The following C18orf63 variants were observed in gnomAD, a reference collection of about 807,000 sequenced individuals.
C18orf63 encodes the protein chromosome 18 open reading frame 63, also known as uncharacterized protein C18orf63.
Under a neutral mutation model 75.3 loss-of-function variants are expected in C18orf63, and 50 were observed. That is an observed-to-expected ratio of 0.66 (90% CI 0.53 to 0.84). The LOEUF is 0.84. Ranked by LOEUF, C18orf63 falls within the 40% of genes least tolerant of loss-of-function variation. The probability of loss-of-function intolerance (pLI) is 0.00; values close to 1 mark genes in which losing one functional copy is unlikely to be tolerated. For synonymous variants in C18orf63, 232 were observed against 267.6 expected (o/e 0.87, Z 1.30); for missense variants, 732 against 800.2 (o/e 0.91, Z 1.03).
chr18:74,335,207 T>C (rs1332223621), intron 7 of C18orf63, among the ~76,000 whole-genome samples: 1 of 152,186 alleles, frequency 6.6e-6, no homozygotes, highest in Non-Finnish European at 1.5e-5. Context: ...AATGGAGCAT[T>C]GACTGGAGTG....
chr18:74,329,259 C>T (rs567631581), intron 6 of C18orf63, among the ~76,000 whole-genome samples: 4 of 151,524 alleles, frequency 2.6e-5, no homozygotes, highest in African/African-American at 9.7e-5. Context: ...CCTGTAGCCC[C>T]GTCTACTTGG....
chr18:74,320,500 T>G lies in C18orf63; in HGVS notation c.135-13T>G. On this transcript the variant is annotated splice_polypyrimidine_tract_variant and intron_variant, in intron 2 of 13. Transcript: ENST00000579455. ...CATACCAGTCCACTTTGTAATATAT[T>G]TCATCTCCACAGGCAATTGCTGTTT... 1 of 1,520,764 alleles carries G rather than the reference T, an allele frequency of 6.6e-7. No homozygotes were observed. The highest frequency in any genetic ancestry group is 2.5e-5 in the East Asian group (1 of 40,642). The allele number at this position is 1,520,764 out of a possible 1,614,324, so 94.2% of individuals were successfully genotyped here.
chr18:74,353,735 C>G lies in C18orf63; in HGVS notation c.1468C>G (p.Arg490Gly). 6.5e-7 allele frequency: 1 copy of G among 1,535,898 alleles called. No individual in the cohort carries two copies. Among genetic ancestry groups the G allele is most frequent in the Non-Finnish European group, 8.7e-7 (1 of 1,146,804 alleles). Residue 490 changes from arginine to glycine, a missense_variant, in exon 12 of 14, where the codon CGT becomes GGT. Around this residue, in one of 3 missense-constraint regions of C18orf63, gnomAD observed 495 missense variants for 508.7 expected, o/e 0.97. Transcript: ENST00000579455. ...GAATTTAGGTCCAGCTATAAAAAAC[C>G]GTTATAGTAGTAACATTCAGATGCA... ...KLNLGPAIKN[R>G]YSSNIQMQAA...
At chr18:74,333,916 T>TA (rs1376878161) in intron 7 of C18orf63, among the ~76,000 whole-genome samples, 2 of 152,180 alleles carry the variant, frequency 1.3e-5, no homozygotes, top group Non-Finnish European at 2.9e-5. Context: ...TTCTCTAAAT[T>TA]ATGATTGTTC....
chr18:74,323,649 A>G (rs539278438), intron 4 of C18orf63, among the ~76,000 whole-genome samples: 3 of 152,332 alleles, frequency 2.0e-5, no homozygotes, highest in Non-Finnish European at 2.9e-5. Context: ...TCTTTAAGCA[A>G]TCTCTACCAT....
chr18:74,344,394 T>G (rs1432159263), intron 11 of C18orf63, among the ~76,000 whole-genome samples: 7 of 148,438 alleles, frequency 4.7e-5, no homozygotes, highest in Non-Finnish European at 1.0e-4. Context: ...AAATCTATTC[T>G]TATGGTGACA....
intron 7 of C18orf63, among the ~76,000 whole-genome samples, chr18:74,334,758 G>T (rs1421678250): frequency 3.3e-5 from 5 of 151,982 alleles, no homozygotes; most frequent in Admixed American, 3.3e-4. Context: ...ATCTACCATG[G>T]CCTCCATTGA....
chr18:74,316,499 G>A (rs572669821), intron 1 of C18orf63, among the ~76,000 whole-genome samples: 2 of 152,274 alleles, frequency 1.3e-5, no homozygotes, highest in South Asian at 2.1e-4. Context: ...CGGCGGTCCC[G>A]AGGCTTAGCG....
Position 74,330,949 on chromosome 18 carries a change from T to C in C18orf63, c.501+7T>C, listed in dbSNP as rs2145120343. 2 of 1,307,832 alleles carry C rather than the reference T, an allele frequency of 1.5e-6. No individual in the cohort carries two copies. Among genetic ancestry groups the C allele is most frequent in the African/African-American group, 3.0e-5 (2 of 66,096 alleles). The allele number at this position is 1,307,832 out of a possible 1,614,324, so 81.0% of individuals were successfully genotyped here. ...CAGACTGCCAGCACCTGAGGTACCA[T>C]ATATTGTGATTTCTATACTTTATTA... On this transcript the variant is annotated splice_region_variant and intron_variant, in intron 7 of 13. Transcript: ENST00000579455.
intron 13 of C18orf63, among the ~76,000 whole-genome samples, chr18:74,355,822 C>T (rs1984755214): frequency 1.3e-5 from 2 of 152,092 alleles, no homozygotes; most frequent in South Asian, 4.1e-4. Flanking sequence ...CACTTGAACC[C>T]GAGAAGTGGA....
chr18:74,332,010 C>A (rs1169373008), intron 7 of C18orf63, among the ~76,000 whole-genome samples: 1 of 152,136 alleles, frequency 6.6e-6, no homozygotes, highest in Non-Finnish European at 1.5e-5. Flanking sequence ...ATATCTTGGA[C>A]TGATGAGGAA....
intron 3 of C18orf63, among the ~76,000 whole-genome samples, chr18:74,320,919 G>GA (rs1330753653): frequency 6.6e-6 from 1 of 151,984 alleles, no homozygotes; most frequent in Non-Finnish European, 1.5e-5. Context: ...AGACTAAAAG[G>GA]AAAAAATTTC....
intron 2 of C18orf63, 68 bp from the exon 3 acceptor site, chr18:74,320,445 T>G (rs1984101266): frequency 8.5e-4 from 898 of 1,050,418 alleles, no homozygotes; most frequent in Non-Finnish European, 1.1e-3. Flanking sequence ...TAATTCAACA[T>G]GAGATTTGGG....
intron 4 of C18orf63, among the ~76,000 whole-genome samples, chr18:74,326,421 T>A (rs1040894656): frequency 2.0e-5 from 3 of 152,216 alleles, no homozygotes; most frequent in African/African-American, 7.2e-5. Flanking sequence ...CAGCCTTGGG[T>A]AGCTTCCTCA....
At chr18:74,333,516 C>A (rs1221409265) in intron 7 of C18orf63, among the ~76,000 whole-genome samples, 1 of 152,180 alleles carries the variant, frequency 6.6e-6, no homozygotes, top group South Asian at 2.1e-4. Flanking sequence ...GCAAGCATGT[C>A]CTTCTTCACA....
In C18orf63 at chr18:74,353,736, G is replaced by A. The variant is rs559866929; in HGVS notation, c.1469G>A (p.Arg490His). The change falls in exon 12 of 14, where the codon CGT becomes CAT. Residue 490 changes from arginine (R) to histidine (H), a missense_variant. This residue lies in a region of C18orf63 where 495 missense variants were observed against 508.7 expected (regional missense o/e 0.97). Transcript: ENST00000579455. ...AATTTAGGTCCAGCTATAAAAAACC[G>A]TTATAGTAGTAACATTCAGATGCAG... ...KLNLGPAIKNRYSSNIQMQAA... is the reference protein window; with the variant it reads ...KLNLGPAIKNHYSSNIQMQAA... 48 of 1,535,946 alleles carry A rather than the reference G, an allele frequency of 3.1e-5. No homozygotes were observed. The highest frequency in any genetic ancestry group is 5.5e-5 in the African/African-American group (4 of 73,094).
At chr18:74,329,373 CA>C (rs5826314) in intron 6 of C18orf63, among the ~76,000 whole-genome samples, 45,845 of 94,244 alleles carry the variant, frequency 0.49, 8,089 homozygotes, top group Middle Eastern at 0.57. Flanking sequence ...GACCCTATTT[CA>C]AAAAAAAAAA....
chr18:74,337,013 G>C (rs1984402474), intron 7 of C18orf63, among the ~76,000 whole-genome samples: 1 of 151,888 alleles, frequency 6.6e-6, no homozygotes, highest in East Asian at 1.9e-4. Flanking sequence ...CCTGTTTCCA[G>C]CCTTTCTCCT....
intron 10 of C18orf63, among the ~76,000 whole-genome samples, chr18:74,342,934 G>A (rs1302185393): frequency 6.6e-6 from 1 of 152,126 alleles, no homozygotes; most frequent in Non-Finnish European, 1.5e-5. Context: ...AGAAGGAAGA[G>A]CCTCAGTGTT....
Sources: gnomAD v4.1 joint callset for allele counts (sites outside exome capture counted in the v4.1 genomes callset) on GRCh38, gnomAD v4.1.1 for gene constraint, gnomAD v4.1.1 regional missense constraint, MANE v1.5 for transcripts, NCBI Gene and HGNC (gene_info 2026-07-23, HGNC 2026-07-21) for gene names.